The following LUZP1 variants were observed in gnomAD, a reference collection of about 807,000 sequenced individuals.
LUZP1 encodes the protein leucine zipper protein 1.
LUZP1 carries 25 observed loss-of-function variants against 71.3 expected under a neutral mutation model. The ratio of observed to expected loss-of-function variants is 0.35; its 90% CI spans 0.26 to 0.49. The LOEUF is 0.49. Among genes scored for constraint, LUZP1 ranks in the 20% least tolerant of loss-of-function variants. The pLI is 0.99. For synonymous variants in LUZP1, 481 were observed against 506.4 expected (o/e 0.95, Z 0.67); for missense variants, 1,142 against 1,300.8 (o/e 0.88, Z 1.88).
intron 2 of LUZP1, among the ~76,000 whole-genome samples, chr1:23,128,046 G>A (rs1052227432): frequency 1.3e-5 from 2 of 151,980 alleles, no homozygotes; most frequent in Admixed American, 6.6e-5. Context: ...CAGGAGAATC[G>A]CTTGAACCTG....
intron 3 of LUZP1, among the ~76,000 whole-genome samples, chr1:23,096,032 G>A (rs1417796285): frequency 1.3e-5 from 2 of 151,110 alleles, no homozygotes; most frequent in African/African-American, 4.9e-5. Context: ...TGACTGGGCA[G>A]AGCAAGTCAA....
intron 2 of LUZP1, among the ~76,000 whole-genome samples, chr1:23,159,714 G>A (rs183284099): frequency 2.0e-4 from 30 of 152,332 alleles, no homozygotes; most frequent in Admixed American, 7.2e-4. Context: ...GCCAGACGCG[G>A]TGGCTCATGC....
intron 2 of LUZP1, among the ~76,000 whole-genome samples, chr1:23,113,648 G>A (rs1360286499): frequency 1.7e-4 from 26 of 152,136 alleles, no homozygotes; most frequent in African/African-American, 4.8e-4. Context: ...TTGGGTGGCC[G>A]AGGCAGGCGG....
chr1:23,103,359 T>C (rs1643946442), intron 3 of LUZP1, among the ~76,000 whole-genome samples: 1 of 152,160 alleles, frequency 6.6e-6, no homozygotes, highest in South Asian at 2.1e-4. Flanking sequence ...TTACAGGGCT[T>C]ACATTATTTT....
At chr1:23,134,710 GAAGTT>G (rs1333730780) in intron 2 of LUZP1, among the ~76,000 whole-genome samples, 1 of 152,152 alleles carries the variant, frequency 6.6e-6, no homozygotes, top group African/African-American at 2.4e-5. Context: ...TTGAGCCCAG[GAAGTT>G]AAGGCTGCAC....
intron 2 of LUZP1, among the ~76,000 whole-genome samples, chr1:23,128,486 A>T (rs1253243535): frequency 6.6e-6 from 1 of 152,242 alleles, no homozygotes; most frequent in African/African-American, 2.4e-5. Flanking sequence ...GTGTTATACA[A>T]TATTAATTAT....
intron 2 of LUZP1, among the ~76,000 whole-genome samples, chr1:23,128,250 G>T (rs1298290030): frequency 1.3e-5 from 2 of 151,704 alleles, no homozygotes; most frequent in African/African-American, 4.8e-5. Context: ...ATTCCAAAAT[G>T]GAATCCATCA....
chr1:23,135,013 G>A (rs1043464528), intron 2 of LUZP1, among the ~76,000 whole-genome samples: 1 of 152,104 alleles, frequency 6.6e-6, no homozygotes, highest in East Asian at 1.9e-4. Flanking sequence ...ATTAACCAAT[G>A]AAAGCTCAAT....
chr1:23,159,645 T>C lies in LUZP1; in HGVS notation c.-226+9121A>G, dbSNP rs536688118. On this transcript the variant is annotated intron_variant, in intron 2 of 4. Transcript: ENST00000302291. ...GTGAATGAGTAAATAAACTAATGTA[T>C]GAAAAATGCTTAGGATAGTGCCTGT... 4.5e-4 allele frequency among the ~76,000 whole-genome samples: 69 copies of C among 152,318 alleles called. No homozygotes were observed. The South Asian group carries it at 0.011, about 23-fold the overall frequency.
At chr1:23,151,328 G>A (rs1454528857) in intron 2 of LUZP1, among the ~76,000 whole-genome samples, 1 of 152,140 alleles carries the variant, frequency 6.6e-6, no homozygotes, top group Non-Finnish European at 1.5e-5. Flanking sequence ...ACAGACATGA[G>A]CCACCGCACC....
intron 2 of LUZP1, among the ~76,000 whole-genome samples, chr1:23,155,695 A>G (rs756303703): frequency 1.3e-5 from 2 of 152,224 alleles, no homozygotes; most frequent in Admixed American, 1.3e-4. Flanking sequence ...GGGTGCCTGT[A>G]ATCCCAGCTA....
chr1:23,104,862 G>A lies in LUZP1; in HGVS notation c.-120+4160C>T, dbSNP rs368408603. On this transcript the variant is annotated intron_variant, in intron 3 of 4. Transcript: ENST00000302291. ...GAGGCTGAAATGCAGGTGCCAAAGA[G>A]ATCAGGCCAATGATTTAAATGAGTT... 7.2e-5 allele frequency among the ~76,000 whole-genome samples: 11 copies of A among 152,218 alleles called. 1 individual carries two copies. The East Asian group carries it at 9.6e-4, about 13-fold the overall frequency.
At chr1:23,104,333 C>T (rs543353476) in intron 3 of LUZP1, among the ~76,000 whole-genome samples, 14 of 151,656 alleles carry the variant, frequency 9.2e-5, no homozygotes, top group East Asian at 5.8e-4. Context: ...TACAGGTGTG[C>T]GCCACCACGC....
At chr1:23,105,429 G>A (rs1311271918) in intron 3 of LUZP1, among the ~76,000 whole-genome samples, 2 of 151,996 alleles carry the variant, frequency 1.3e-5, no homozygotes, top group Non-Finnish European at 2.9e-5. Flanking sequence ...TACGAACTCT[G>A]AAGCCAGGCA....
At chr1:23,122,141 C>A (rs751994206) in intron 2 of LUZP1, among the ~76,000 whole-genome samples, 1 of 151,984 alleles carries the variant, frequency 6.6e-6, no homozygotes, top group Non-Finnish European at 1.5e-5. Flanking sequence ...CACTTAACAC[C>A]TACAATGGTG....
At chr1:23,127,766 G>A (rs1023672450) in intron 2 of LUZP1, among the ~76,000 whole-genome samples, 4 of 152,074 alleles carry the variant, frequency 2.6e-5, no homozygotes, top group African/African-American at 9.7e-5. Context: ...CTCGTAATCC[G>A]CCCACCTCGG....
chr1:23,140,819 A>G (rs1177547306), intron 2 of LUZP1: 1 of 152,446 alleles, frequency 6.6e-6, no homozygotes, highest in Non-Finnish European at 1.5e-5. Flanking sequence ...CCTCAGAGCT[A>G]CATCTCTCCC....
chr1:23,156,732 G>C (rs1053587498), intron 2 of LUZP1, among the ~76,000 whole-genome samples: 1 of 152,118 alleles, frequency 6.6e-6, no homozygotes, highest in African/African-American at 2.4e-5. Flanking sequence ...ATGACTGGGC[G>C]CATCTTCCAA....
At chr1:23,091,694 T>C in exon 4 of LUZP1, 1 of 1,614,130 alleles carries the variant, frequency 6.2e-7, no homozygotes, top group Non-Finnish European at 8.5e-7. Context: ...TCTCCGCTTC[T>C]GCAAGCTGCA....
Sources: allele counts gnomAD v4.1 joint callset (sites outside exome capture counted in the v4.1 genomes callset), GRCh38; gene constraint gnomAD v4.1.1; transcripts MANE v1.5; gene names NCBI Gene and HGNC (gene_info 2026-07-23, HGNC 2026-07-21).